CDH13: variants seen among roughly 807,000 people sequenced by gnomAD.
The protein encoded by CDH13 is cadherin-13.
In CDH13, 24 loss-of-function variants were observed where a neutral mutation model predicts 63.8. The observed-to-expected ratio is 0.38, with a 90% confidence interval of 0.27 to 0.53. The LOEUF (loss-of-function observed/expected upper bound fraction) is 0.53. Ranked by LOEUF, CDH13 falls within the 20% of genes least tolerant of loss-of-function variation. The pLI is 0.85. For missense variants in CDH13, 1,049 were observed against 903.1 expected (o/e 1.16, Z -2.07); for synonymous variants, 503 against 355.3 (o/e 1.42, Z -4.67).
chr16:83,022,314 G>A (rs1480232041), intron 2 of CDH13, among the ~76,000 whole-genome samples: 1 of 152,168 alleles, frequency 6.6e-6, no homozygotes, highest in Non-Finnish European at 1.5e-5. Flanking sequence ...AGTAGGCAAG[G>A]AATACCAGGA....
intron 5 of CDH13, among the ~76,000 whole-genome samples, chr16:83,226,842 A>G (rs1398079620): frequency 6.6e-6 from 1 of 151,712 alleles, no homozygotes; most frequent in Non-Finnish European, 1.5e-5. Context: ...CCCCAAATGC[A>G]GGGGCACGGT....
chr16:83,190,993 T>C (rs961492417), intron 4 of CDH13, among the ~76,000 whole-genome samples: 2 of 151,876 alleles, frequency 1.3e-5, no homozygotes, highest in African/African-American at 4.8e-5. Context: ...GGTGGGAATG[T>C]TCTTATTTGG....
intron 6 of CDH13, among the ~76,000 whole-genome samples, chr16:83,373,722 C>A (rs924654766): frequency 6.6e-6 from 1 of 152,312 alleles, no homozygotes; most frequent in Non-Finnish European, 1.5e-5. Context: ...GGATTTGAAT[C>A]TCCGCTTTAC....
chr16:83,391,611 C>A (rs915893506), intron 6 of CDH13, among the ~76,000 whole-genome samples: 3 of 148,276 alleles, frequency 2.0e-5, no homozygotes, highest in Non-Finnish European at 4.4e-5. Context: ...TCTGGCGCAA[C>A]CCCCCTGGAA....
intron 4 of CDH13, among the ~76,000 whole-genome samples, chr16:83,149,462 G>A (rs1038387335): frequency 6.6e-6 from 1 of 152,114 alleles, no homozygotes; most frequent in African/African-American, 2.4e-5. Flanking sequence ...GATTCATATG[G>A]GCAGGAACTG....
At chr16:83,437,926 G>A (rs562439418) in intron 6 of CDH13, among the ~76,000 whole-genome samples, 1 of 152,030 alleles carries the variant, frequency 6.6e-6, no homozygotes, top group Non-Finnish European at 1.5e-5. Flanking sequence ...TCTTCCTTCT[G>A]CTTCCTCAAG....
intron 10 of CDH13, among the ~76,000 whole-genome samples, chr16:83,701,858 G>A (rs374851221): frequency 3.7e-4 from 57 of 152,274 alleles, no homozygotes; most frequent in African/African-American, 1.2e-3. Flanking sequence ...ACAGCTGCCT[G>A]GCTAATGTCT....
chr16:83,120,329 A>G (rs1212481960), intron 3 of CDH13, among the ~76,000 whole-genome samples: 3 of 152,166 alleles, frequency 2.0e-5, no homozygotes, highest in Non-Finnish European at 2.9e-5. Context: ...TAGGATGGGG[A>G]TGGGATTCAG....
At chr16:83,365,779 A>G (rs2091247457) in intron 6 of CDH13, among the ~76,000 whole-genome samples, 1 of 152,196 alleles carries the variant, frequency 6.6e-6, no homozygotes, top group African/African-American at 2.4e-5. Context: ...AGGGTTGCCA[A>G]TTCTGAGATC....
At chr16:83,612,512 C>G (rs1420943609) in intron 8 of CDH13, among the ~76,000 whole-genome samples, 1 of 152,010 alleles carries the variant, frequency 6.6e-6, no homozygotes, top group African/African-American at 2.4e-5. Context: ...ACATTTAATG[C>G]AAGTACAACA....
At chr16:82,678,545 G>C (rs1213884059) in intron 1 of CDH13, among the ~76,000 whole-genome samples, 2 of 152,176 alleles carry the variant, frequency 1.3e-5, no homozygotes. Flanking sequence ...ATGAAACAAA[G>C]CCTTCTCCGG....
intron 6 of CDH13, among the ~76,000 whole-genome samples, chr16:83,406,326 C>G (rs2082423036): frequency 6.6e-6 from 1 of 152,196 alleles, no homozygotes; most frequent in Non-Finnish European, 1.5e-5. Context: ...GAATCTCCCA[C>G]CATCCTCAAA....
chr16:82,649,562 C>G (rs1910486310), intron 1 of CDH13, among the ~76,000 whole-genome samples: 3 of 152,046 alleles, frequency 2.0e-5, no homozygotes. Context: ...GCATGGGGGA[C>G]TGAAGGGCCA....
At chr16:82,789,574 G>A (rs952380488) in intron 1 of CDH13, among the ~76,000 whole-genome samples, 1 of 152,144 alleles carries the variant, frequency 6.6e-6, no homozygotes, top group Non-Finnish European at 1.5e-5. Flanking sequence ...GGCCATTCTG[G>A]GCTGCACAAG....
intron 10 of CDH13, among the ~76,000 whole-genome samples, chr16:83,690,473 A>T (rs1223866711): frequency 6.6e-6 from 1 of 152,168 alleles, no homozygotes; most frequent in African/African-American, 2.4e-5. Flanking sequence ...CAGAGTGTGC[A>T]GGATTGTGCC....
At chr16:83,235,704 T>G (rs1001012015) in intron 5 of CDH13, among the ~76,000 whole-genome samples, 8 of 152,050 alleles carry the variant, frequency 5.3e-5, no homozygotes, top group Admixed American at 5.2e-4. Flanking sequence ...TACTGCAAGT[T>G]TATTTTTATT....
intron 8 of CDH13, among the ~76,000 whole-genome samples, chr16:83,645,534 C>G (rs1053054947): frequency 5.1e-5 from 2 of 39,576 alleles, no homozygotes; most frequent in African/African-American, 2.0e-4. Flanking sequence ...AACATGCACA[C>G]ATGCCCCCCC....
intron 2 of CDH13, among the ~76,000 whole-genome samples, chr16:82,869,570 C>G (rs1252940039): frequency 1.3e-5 from 2 of 152,146 alleles, no homozygotes; most frequent in Non-Finnish European, 2.9e-5. Context: ...ATCACGTTAT[C>G]TGACTTACAG....
intron 1 of CDH13, among the ~76,000 whole-genome samples, chr16:82,713,615 T>C (rs2032126353): frequency 1.3e-5 from 2 of 151,996 alleles, no homozygotes; most frequent in Admixed American, 1.3e-4. Flanking sequence ...TGTTATGATG[T>C]CTTGTACATA....
Sources: allele counts gnomAD v4.1 joint callset (sites outside exome capture counted in the v4.1 genomes callset), GRCh38; gene constraint gnomAD v4.1.1; transcripts MANE v1.5; gene names NCBI Gene and HGNC (gene_info 2026-07-23, HGNC 2026-07-21).